Variants in DNER observed in about 807,000 individuals in gnomAD.
The protein encoded by DNER is delta and Notch-like epidermal growth factor-related receptor.
In DNER, 33 loss-of-function variants were observed where a neutral mutation model predicts 78.2. That is an observed-to-expected ratio of 0.42 (90% CI 0.32 to 0.56). DNER has a LOEUF of 0.56. DNER is among the 20% of genes least tolerant of loss of function. The pLI, the probability that DNER is intolerant of heterozygous loss-of-function variation, is 0.11. For missense variants in DNER, 918 were observed against 975.3 expected (o/e 0.94, Z 0.78); for synonymous variants, 417 against 384.8 (o/e 1.08, Z -0.98).
At chr2:229,705,706 T>A (rs772847699) in intron 1 of DNER, among the ~76,000 whole-genome samples, 1 of 152,210 alleles carries the variant, frequency 6.6e-6, no homozygotes, top group Non-Finnish European at 1.5e-5. Context: ...AGATGGGGAC[T>A]CATATTCACT....
At chr2:229,641,669 T>G (rs1698627396) in intron 1 of DNER, among the ~76,000 whole-genome samples, 1 of 151,696 alleles carries the variant, frequency 6.6e-6, no homozygotes, top group African/African-American at 2.4e-5. Flanking sequence ...ACCTTCATAC[T>G]GGGAAAAATG....
chr2:229,540,197 G>T (rs1042056207), intron 5 of DNER, among the ~76,000 whole-genome samples: 2 of 152,154 alleles, frequency 1.3e-5, no homozygotes, highest in African/African-American at 4.8e-5. Flanking sequence ...AAAATAGTTG[G>T]GGAGGTGGAA....
At chr2:229,571,125 G>A (rs1367914228) in intron 4 of DNER, among the ~76,000 whole-genome samples, 3 of 152,110 alleles carry the variant, frequency 2.0e-5, no homozygotes, top group African/African-American at 7.2e-5. Context: ...CATGCTAGTA[G>A]CCGTGAAGGT....
chr2:229,371,269 A>G (rs973021332), intron 11 of DNER, among the ~76,000 whole-genome samples: 2 of 152,196 alleles, frequency 1.3e-5, no homozygotes, highest in African/African-American at 4.8e-5. Flanking sequence ...GCCTGCAACC[A>G]CCATCTCTCA....
intron 1 of DNER, among the ~76,000 whole-genome samples, chr2:229,628,687 G>A (rs1298363721): frequency 6.6e-6 from 1 of 152,142 alleles, no homozygotes; most frequent in African/African-American, 2.4e-5. Flanking sequence ...CTACAGAGAG[G>A]ACCTGCAATC....
intron 1 of DNER, among the ~76,000 whole-genome samples, chr2:229,592,499 T>A (rs1285594238): frequency 1.3e-5 from 2 of 152,228 alleles, no homozygotes; most frequent in Non-Finnish European, 2.9e-5. Flanking sequence ...CAGAATTTTA[T>A]GAAATTTTTT....
chr2:229,458,987 A>G (rs890943417), intron 7 of DNER, among the ~76,000 whole-genome samples: 3 of 152,038 alleles, frequency 2.0e-5, no homozygotes, highest in Non-Finnish European at 2.9e-5. Context: ...AGCAACTGGA[A>G]ATTAAAAAAT....
intron 1 of DNER, among the ~76,000 whole-genome samples, chr2:229,711,799 A>T (rs142411332): frequency 2.0e-5 from 3 of 152,142 alleles, no homozygotes; most frequent in African/African-American, 7.2e-5. Context: ...CTAAGATCCA[A>T]TTTCCTTATC....
intron 5 of DNER, among the ~76,000 whole-genome samples, chr2:229,520,653 A>G (rs935195840): frequency 2.0e-5 from 3 of 152,204 alleles, no homozygotes; most frequent in Admixed American, 2.0e-4. Context: ...CTAAGTACCA[A>G]GAAAGGAAAG....
chr2:229,428,077 A>G (rs1237442954), intron 8 of DNER, among the ~76,000 whole-genome samples: 1 of 147,836 alleles, frequency 6.8e-6, no homozygotes, highest in African/African-American at 2.5e-5. Flanking sequence ...TCCATCTCAA[A>G]AAAAAAAAAA....
At chr2:229,541,740 T>C (rs1327243403) in intron 5 of DNER, among the ~76,000 whole-genome samples, 4 of 151,880 alleles carry the variant, frequency 2.6e-5, no homozygotes, top group Non-Finnish European at 5.9e-5. Context: ...GGACTCAAAC[T>C]GCAACTCTTT....
At chr2:229,531,889 A>G (rs1034544119) in intron 5 of DNER, among the ~76,000 whole-genome samples, 8 of 152,252 alleles carry the variant, frequency 5.3e-5, no homozygotes, top group African/African-American at 1.9e-4. Context: ...GCTGAGTGAA[A>G]GAAGCAGACA....
intron 7 of DNER, among the ~76,000 whole-genome samples, chr2:229,474,899 A>T (rs1177940172): frequency 6.6e-6 from 1 of 151,976 alleles, no homozygotes; most frequent in Non-Finnish European, 1.5e-5. Context: ...AGCAGCCAAC[A>T]TCTATTTCTT....
chr2:229,477,725 A>G (rs1395905874), intron 6 of DNER, among the ~76,000 whole-genome samples: 1 of 152,220 alleles, frequency 6.6e-6, no homozygotes, highest in East Asian at 1.9e-4. Flanking sequence ...TTTTAGAGCT[A>G]GAATAACCCA....
At chr2:229,380,193 T>C (rs1692703455) in intron 11 of DNER, among the ~76,000 whole-genome samples, 1 of 126,456 alleles carries the variant, frequency 7.9e-6, no homozygotes, top group African/African-American at 3.0e-5. Context: ...AGTTTCCTAA[T>C]ACCGGCCACC....
chr2:229,616,620 A>G (rs919808128), intron 1 of DNER, among the ~76,000 whole-genome samples: 6 of 152,176 alleles, frequency 3.9e-5, no homozygotes, highest in Non-Finnish European at 5.9e-5. Flanking sequence ...CAAGAGAACA[A>G]TGGCACTCTC....
chr2:229,700,454 G>A (rs1007843884), intron 1 of DNER, among the ~76,000 whole-genome samples: 5 of 151,428 alleles, frequency 3.3e-5, no homozygotes, highest in Admixed American at 3.3e-4. Flanking sequence ...TCCCGCCTCA[G>A]CTTCCCAAGT....
intron 1 of DNER, among the ~76,000 whole-genome samples, chr2:229,600,875 A>C (rs1697813261): frequency 6.6e-6 from 1 of 152,206 alleles, no homozygotes; most frequent in Non-Finnish European, 1.5e-5. Flanking sequence ...GGGATATTGA[A>C]ATAGCAGGAG....
intron 1 of DNER, among the ~76,000 whole-genome samples, chr2:229,651,548 G>A (rs1698816995): frequency 6.6e-6 from 1 of 152,196 alleles, no homozygotes; most frequent in African/African-American, 2.4e-5. Flanking sequence ...GGAGCTGAGG[G>A]TGCCGAAGGA....
Sources: gnomAD v4.1 joint callset for allele counts (sites outside exome capture counted in the v4.1 genomes callset) on GRCh38, gnomAD v4.1.1 for gene constraint, MANE v1.5 for transcripts, NCBI Gene and HGNC (gene_info 2026-07-23, HGNC 2026-07-21) for gene names.